Variants in DSCAM observed in about 807,000 individuals in gnomAD.
The protein encoded by DSCAM is DS cell adhesion molecule.
Under a neutral mutation model 217.7 loss-of-function variants are expected in DSCAM, and 47 were observed. The ratio of observed to expected loss-of-function variants is 0.22; its 90% CI spans 0.17 to 0.28. DSCAM has a LOEUF of 0.28. Among genes scored for constraint, DSCAM ranks in the 10% least tolerant of loss-of-function variants. DSCAM has a pLI of 1.00. For missense variants in DSCAM, 2,080 were observed against 2,618.3 expected, an observed-to-expected ratio of 0.79 and a Z score of 4.49; for synonymous variants, 1,056 against 1,015.3, an observed-to-expected ratio of 1.04 and a Z score of -0.76.
intron 3 of DSCAM, among the ~76,000 whole-genome samples, chr21:40,567,377 T>C (rs899146446): frequency 6.6e-6 from 1 of 152,256 alleles, no homozygotes; most frequent in African/African-American, 2.4e-5. Flanking sequence ...GTGCCTGGTT[T>C]AGTGCTCAGG....
At chr21:40,452,002 A>G (rs140562792) in intron 3 of DSCAM, among the ~76,000 whole-genome samples, 18 of 152,158 alleles carry the variant, frequency 1.2e-4, no homozygotes, top group South Asian at 4.1e-4. Flanking sequence ...AAAGATTCCA[A>G]TTGATTACCT....
chr21:40,434,812 TC>T (rs1274091819), intron 3 of DSCAM, among the ~76,000 whole-genome samples: 1 of 152,130 alleles, frequency 6.6e-6, no homozygotes, highest in Admixed American at 6.5e-5. Context: ...AGACACTAAA[TC>T]CAGATATTGG....
intron 3 of DSCAM, among the ~76,000 whole-genome samples, chr21:40,382,805 A>G (rs550670753): frequency 6.6e-6 from 1 of 152,330 alleles, no homozygotes; most frequent in South Asian, 2.1e-4. Flanking sequence ...CTAGCTTATC[A>G]CAAACTCCAT....
chr21:40,831,161 T>G (rs1355660320), intron 1 of DSCAM, among the ~76,000 whole-genome samples: 1 of 152,238 alleles, frequency 6.6e-6, no homozygotes, highest in East Asian at 1.9e-4. Context: ...AACTGGTCTA[T>G]TTTCATCACA....
rs1421785595 is a variant in DSCAM, at chr21:40,080,146, A to T, written c.4420+6T>A. ...ATATTAAGAAGCGATGAGAAGGCAT[A>T]CCTACCTTTTCCTAAGGTCTTTGCT... On this transcript the variant is annotated splice_donor_region_variant and intron_variant, in intron 25 of 32. Transcript: ENST00000400454. 6.6e-7 allele frequency: 1 copy of T among 1,524,772 alleles called. No individual in the cohort carries two copies. The highest frequency in any genetic ancestry group is 8.8e-7 in the Non-Finnish European group (1 of 1,131,876). The allele number at this position is 1,524,772 out of a possible 1,614,324, so 94.5% of individuals were successfully genotyped here.
intron 20 of DSCAM, among the ~76,000 whole-genome samples, chr21:40,104,047 C>A (rs2089786988): frequency 6.6e-6 from 1 of 152,108 alleles, no homozygotes; most frequent in African/African-American, 2.4e-5. Flanking sequence ...ATTAGAAGCA[C>A]CATCCAATTA....
In DSCAM at chr21:40,080,246, T is replaced by A. The variant is rs2089435663; in HGVS notation, c.4326A>T (p.Lys1442Asn). 1.2e-6 allele frequency: 2 copies of A among 1,613,532 alleles called. No individual in the cohort carries two copies. The highest frequency in any genetic ancestry group is 2.7e-5 in the African/African-American group (2 of 74,836). ...SERSYRLENL[K>N]CGTWYKFTLT... ...GTGTGAACTTATACCAAGTCCCACATTTGAGATTTTCCAAGCGATAGGAAC... is the reference window on the plus strand; with the variant it reads ...GTGTGAACTTATACCAAGTCCCACAATTGAGATTTTCCAAGCGATAGGAAC... The change falls in exon 25 of 33, where the codon AAA (lysine) becomes AAT (asparagine). Residue 1442 changes from lysine to asparagine, a missense_variant. Lys to Asn is a moderately conservative substitution (Grantham distance 94). Around this residue, in one of 5 missense-constraint regions of DSCAM, gnomAD observed 1,144 missense variants for 1,421.1 expected, o/e 0.81. Coordinates refer to ENST00000400454, the MANE Select transcript of DSCAM (RefSeq NM_001389.5).
At chr21:40,845,540 C>CT (rs1555894716) in intron 1 of DSCAM, among the ~76,000 whole-genome samples, 1 of 138,888 alleles carries the variant, frequency 7.2e-6, no homozygotes, top group African/African-American at 2.8e-5. Context: ...CTCTTCTTCT[C>CT]CTCTCTCTCT....
intron 4 of DSCAM, among the ~76,000 whole-genome samples, chr21:40,363,697 A>C (rs537207849): frequency 2.5e-4 from 38 of 152,354 alleles, no homozygotes; most frequent in Non-Finnish European, 5.4e-4. Context: ...ATTAAACTAA[A>C]GATCTTCTGC....
At chr21:40,103,609 G>A (rs1405452675) in intron 20 of DSCAM, among the ~76,000 whole-genome samples, 1 of 152,010 alleles carries the variant, frequency 6.6e-6, no homozygotes, top group African/African-American at 2.4e-5. Context: ...GCCAACATTG[G>A]TAGAAATGGG....
intron 3 of DSCAM, among the ~76,000 whole-genome samples, chr21:40,530,774 G>A (rs377388943): frequency 3.4e-4 from 51 of 152,106 alleles, no homozygotes; most frequent in African/African-American, 1.2e-3. Context: ...CCCATCGCTC[G>A]ATAAGGGAGT....
At chr21:40,418,409 TATG>T (rs1569113470) in intron 3 of DSCAM, among the ~76,000 whole-genome samples, 1 of 152,200 alleles carries the variant, frequency 6.6e-6, no homozygotes, top group African/African-American at 2.4e-5. Flanking sequence ...TGAAAAAAAC[TATG>T]ATATCTGTAA....
chr21:40,551,395 C>T (rs1366406858), intron 3 of DSCAM, among the ~76,000 whole-genome samples: 1 of 152,152 alleles, frequency 6.6e-6, no homozygotes, highest in African/African-American at 2.4e-5. Flanking sequence ...TAGAAAGAAA[C>T]TGTCTGGATT....
At chr21:40,482,712 T>C (rs1472058659) in intron 3 of DSCAM, among the ~76,000 whole-genome samples, 2 of 152,210 alleles carry the variant, frequency 1.3e-5, no homozygotes, top group African/African-American at 4.8e-5. Context: ...TCTAGAATTT[T>C]TGAGTCTCAC....
At chr21:40,836,560 A>G (rs1218185986) in intron 1 of DSCAM, among the ~76,000 whole-genome samples, 1 of 152,158 alleles carries the variant, frequency 6.6e-6, no homozygotes, top group Non-Finnish European at 1.5e-5. Context: ...GACATTCCCA[A>G]TAAATTACTA....
At chr21:40,552,581 C>T (rs572166245) in intron 3 of DSCAM, among the ~76,000 whole-genome samples, 2 of 152,312 alleles carry the variant, frequency 1.3e-5, no homozygotes, top group East Asian at 1.9e-4. Context: ...CTATCTTCTT[C>T]ACCAATCACC....
At chr21:40,780,845 TTTG>T (rs1463795690) in intron 1 of DSCAM, among the ~76,000 whole-genome samples, 2 of 152,126 alleles carry the variant, frequency 1.3e-5, no homozygotes, top group African/African-American at 2.4e-5. Flanking sequence ...TCTGAAGTAC[TTTG>T]TTATGGGACC....
chr21:40,100,523 A>T (rs2089736413), intron 20 of DSCAM, among the ~76,000 whole-genome samples: 1 of 152,148 alleles, frequency 6.6e-6, no homozygotes, highest in Admixed American at 6.6e-5. Flanking sequence ...TGCATATTTT[A>T]TTACGTAGCA....
At position 40,038,750 on chromosome 21, in the gene DSCAM, A is replaced by G. The variant is rs1218816474; in HGVS notation, c.5686+3621T>C. Among the ~76,000 whole-genome samples, 3 of 146,110 alleles carry G rather than the reference A, an allele frequency of 2.1e-5. No individual in the cohort carries two copies. In the East Asian group the frequency reaches 6.4e-4, roughly 31 times the overall value. On this transcript the variant is annotated intron_variant, in intron 32 of 32. Coordinates refer to ENST00000400454, the MANE Select transcript of DSCAM (RefSeq NM_001389.5). ...TATTGTGGCATTATTCACAATAGCA[A>G]AGACTTGGAACCAACCCAAATGTCC...
Sources: allele counts gnomAD v4.1 joint callset (sites outside exome capture counted in the v4.1 genomes callset), GRCh38; gene constraint gnomAD v4.1.1; regional missense constraint gnomAD v4.1.1; transcripts MANE v1.5; gene names NCBI Gene and HGNC (gene_info 2026-07-23, HGNC 2026-07-21).